BAIAP2L2: variants seen among roughly 807,000 people sequenced by gnomAD.
The protein encoded by BAIAP2L2 is BAR/IMD domain-containing adapter protein 2-like 2.
BAIAP2L2 carries 65 observed loss-of-function variants against 60.4 expected under a neutral mutation model. That is an observed-to-expected ratio of 1.08 (90% CI 0.88 to 1.32). The LOEUF is 1.32. BAIAP2L2 is among the 40% of genes most tolerant of loss of function. BAIAP2L2 has a pLI of 0.00. For synonymous variants in BAIAP2L2, 344 were observed against 301.7 expected (o/e 1.14, Z -1.45); for missense variants, 836 against 741.2 (o/e 1.13, Z -1.48).
Position 38,108,262 on chromosome 22 carries a change from C to T in BAIAP2L2, c.207G>A (p.Gln69=), listed in dbSNP as rs75885161. ...GTGGAGGGGGAGCCTCACCCAGAAT[C>T]TGTGAGGTGGGGCTCTGCAGGGCAC... is the stretch of plus-strand genomic sequence containing the variant. ...GERALQSPTS[Q]ILGEILVQMS... is the part of the protein sequence containing the mutation. Residue 69 remains glutamine (Q), a synonymous_variant, in exon 3 of 14, where the codon CAG becomes CAA. Transcript: ENST00000381669. 4.3e-6 allele frequency: 7 copies of T among 1,612,378 alleles called. No homozygotes were observed. The highest frequency in any genetic ancestry group is 2.2e-5 in the East Asian group (1 of 44,876).
rs2145910744 is a variant in BAIAP2L2 at position 38,085,237 on chromosome 22, C to T, written c.*63G>A. On this transcript the variant is annotated 3_prime_UTR_variant, in exon 14 of 14. Transcript: ENST00000381669. ...TCTGCTGCTGTTGCTGCTGTCGCTG[C>T]CATTGCCAGCTCTGAACAGCCCCTG... 2 of 1,536,486 alleles carry T rather than the reference C, an allele frequency of 1.3e-6. No individual in the cohort carries two copies. The highest frequency in any genetic ancestry group is 1.8e-6 in the Non-Finnish European group (2 of 1,115,008).
At chr22:38,096,391 AT>A (rs1272029230) in intron 7 of BAIAP2L2, among the ~76,000 whole-genome samples, 1 of 152,226 alleles carries the variant, frequency 6.6e-6, no homozygotes, top group Non-Finnish European at 1.5e-5. Context: ...ATGGTAGCTC[AT>A]GCCTGTAATC....
chr22:38,105,474 G>C (rs2086647662), intron 4 of BAIAP2L2, among the ~76,000 whole-genome samples: 1 of 151,642 alleles, frequency 6.6e-6, no homozygotes. Context: ...CGAGTAGCTG[G>C]GATTACAGGC....
intron 7 of BAIAP2L2, among the ~76,000 whole-genome samples, chr22:38,095,656 C>T (rs895845624): frequency 3.3e-5 from 5 of 152,140 alleles, no homozygotes; most frequent in South Asian, 2.1e-4. Flanking sequence ...TGAGCCACCG[C>T]GCCCAGCCTA....
At chr22:38,086,207 C>G in intron 12 of BAIAP2L2, 35 bp downstream of exon 12, 1 of 1,594,906 alleles carries the variant, frequency 6.3e-7, no homozygotes, top group Non-Finnish European at 8.5e-7. Context: ...TCCCTGCCCG[C>G]TGGAGGCCCC....
At chr22:38,110,122 A>G (rs1310249696) in intron 1 of BAIAP2L2, among the ~76,000 whole-genome samples, 7 of 75,036 alleles carry the variant, frequency 9.3e-5, no homozygotes, top group Non-Finnish European at 1.4e-4. Context: ...AGAGAGAGGG[A>G]GAGAGAGAGA....
intron 4 of BAIAP2L2, among the ~76,000 whole-genome samples, chr22:38,104,534 C>T (rs886754291): frequency 6.1e-5 from 9 of 146,890 alleles, no homozygotes; most frequent in South Asian, 2.1e-4. Flanking sequence ...ATTGCTCTGT[C>T]GCCCAGGCTG....
intron 1 of BAIAP2L2, among the ~76,000 whole-genome samples, chr22:38,109,724 G>A (rs1022213177): frequency 3.9e-5 from 6 of 152,068 alleles, no homozygotes; most frequent in South Asian, 2.1e-4. Context: ...GGCTGGGGCC[G>A]GGCAGAGAGC....
chr22:38,093,418 G>C (rs1488143366), intron 7 of BAIAP2L2, among the ~76,000 whole-genome samples: 3 of 152,202 alleles, frequency 2.0e-5, no homozygotes, highest in Non-Finnish European at 4.4e-5. Context: ...ATGCATAGGG[G>C]AAAATCTGCC....
intron 9 of BAIAP2L2, 35 bp from the exon 10 acceptor site, chr22:38,088,999 G>A: frequency 6.8e-7 from 1 of 1,472,544 alleles, no homozygotes; most frequent in Non-Finnish European, 9.0e-7. Flanking sequence ...ACGTGGGCAG[G>A]AAGTTCTTCC....
At chr22:38,095,344 G>C (rs2086403877) in intron 7 of BAIAP2L2, among the ~76,000 whole-genome samples, 1 of 152,078 alleles carries the variant, frequency 6.6e-6, no homozygotes, top group South Asian at 2.1e-4. Context: ...TTGGAGGGCA[G>C]GAAAATACTT....
At position 38,089,222 on chromosome 22, in the gene BAIAP2L2, G is replaced by A. The variant is rs754280836; in HGVS notation, c.775C>T (p.Pro259Ser). The A allele has an allele frequency of 3.4e-6, 4 of 1,170,616 alleles. No homozygotes were observed. Among genetic ancestry groups the A allele is most frequent in the Non-Finnish European group, 4.3e-6 (4 of 933,322 alleles). 72.5% of individuals were successfully genotyped at this position (1,170,616 alleles called of 1,614,324 possible). ...TPTCLDMPPR[P>S]LGEFSSPRSR... ...CGGGGGGAGCTGAACTCTCCCAGGG[G>A]CCTCGGGGGCTGCGGGGGAGATGGG... The change falls in exon 9 of 14, where the codon CCC (proline) becomes TCC (serine). Residue 259 changes from proline (P) to serine (S), a missense_variant. Physicochemically the swap from Pro to Ser is moderately conservative, Grantham distance 74 (BLOSUM62 -1). Coordinates refer to ENST00000381669, the MANE Select transcript of BAIAP2L2 (RefSeq NM_025045.6).
At chr22:38,088,044 C>T (rs534595791) in intron 10 of BAIAP2L2, among the ~76,000 whole-genome samples, 16 of 152,366 alleles carry the variant, frequency 1.1e-4, no homozygotes, top group African/African-American at 3.6e-4. Context: ...CCACCACCCG[C>T]TCTGCCCATG....
Position 38,086,346 on chromosome 22 carries a change from TGCGGG to T in BAIAP2L2, c.1358_1362del (p.Ser453TyrfsTer33). On this transcript the variant is annotated frameshift_variant, in exon 12 of 14. Coordinates refer to ENST00000381669, the MANE Select transcript of BAIAP2L2 (RefSeq NM_025045.6). LOFTEE classifies it high-confidence loss of function. Reference sequence around the variant, plus strand: ...GCACGGCTTGGCACCCGGCTTGGGGTGCGGGAGCGGGACTGGCCATCCCAGTACTC... The same window carrying T: ...GCACGGCTTGGCACCCGGCTTGGGGTAGCGGGACTGGCCATCCCAGTACTC... 1.3e-6 allele frequency: 1 copy of T among 777,740 alleles called. No homozygotes were observed. The highest frequency in any genetic ancestry group is 1.9e-6 in the Non-Finnish European group (1 of 528,344). The allele number at this position is 777,740 out of a possible 1,614,324, so 48.2% of individuals were successfully genotyped here.
At chr22:38,095,492 G>A (rs1043815904) in intron 7 of BAIAP2L2, among the ~76,000 whole-genome samples, 2 of 152,140 alleles carry the variant, frequency 1.3e-5, no homozygotes, top group African/African-American at 4.8e-5. Flanking sequence ...AGCCTCCTGA[G>A]TAGCTGGGAT....
chr22:38,103,737 C>A (rs2086609436), intron 4 of BAIAP2L2, among the ~76,000 whole-genome samples: 1 of 152,060 alleles, frequency 6.6e-6, no homozygotes, highest in African/African-American at 2.4e-5. Flanking sequence ...GTGTTGCATA[C>A]CTGTAGTCCC....
chr22:38,098,024 C>A, intron 6 of BAIAP2L2, 39 bp downstream of exon 6: 3 of 970,798 alleles, frequency 3.1e-6, no homozygotes, highest in South Asian at 1.3e-5. Context: ...TCTGCCCACC[C>A]GCCCTTCCTG....
At chr22:38,089,860 C>T (rs761510387) in intron 7 of BAIAP2L2, among the ~76,000 whole-genome samples, 186 bp from the exon 8 acceptor site, 6 of 152,230 alleles carry the variant, frequency 3.9e-5, no homozygotes, top group Admixed American at 6.5e-5. Flanking sequence ...GGCAAAGGCA[C>T]CTCCATTTTC....
chr22:38,085,226 T>C lies in BAIAP2L2; in HGVS notation c.*74A>G. 6.7e-7 allele frequency: 1 copy of C among 1,495,784 alleles called. No individual in the cohort carries two copies. Among genetic ancestry groups the C allele is most frequent in the Non-Finnish European group, 9.2e-7 (1 of 1,082,076 alleles). The allele number at this position is 1,495,784 out of a possible 1,614,324, so 92.7% of individuals were successfully genotyped here. On this transcript the variant is annotated 3_prime_UTR_variant, in exon 14 of 14. Coordinates refer to ENST00000381669, the MANE Select transcript of BAIAP2L2 (RefSeq NM_025045.6). Reference sequence around the variant, plus strand: ...CGCTTCTTGGATCTGCTGCTGTTGCTGCTGTCGCTGCCATTGCCAGCTCTG... The same window carrying C: ...CGCTTCTTGGATCTGCTGCTGTTGCCGCTGTCGCTGCCATTGCCAGCTCTG...
Sources: allele counts gnomAD v4.1 joint callset (sites outside exome capture counted in the v4.1 genomes callset), GRCh38; gene constraint gnomAD v4.1.1; transcripts MANE v1.5; gene names NCBI Gene and HGNC (gene_info 2026-07-23, HGNC 2026-07-21).